The following GALNT17 variants were observed in gnomAD, a reference collection of about 807,000 sequenced individuals.
The protein encoded by GALNT17 is polypeptide N-acetylgalactosaminyltransferase 17, also known as UDP-GalNAc:polypeptide N-acetylgalactosaminyltransferase-like 3.
In GALNT17, 29 loss-of-function variants were observed where a neutral mutation model predicts 63.7. The ratio of observed to expected loss-of-function variants is 0.46; its 90% confidence interval spans 0.34 to 0.62. The LOEUF is 0.62. Among genes scored for constraint, GALNT17 ranks in the 20% least tolerant of loss-of-function variants. The pLI, the probability that GALNT17 is intolerant of heterozygous loss-of-function variation, is 0.01. For synonymous variants in GALNT17, 305 were observed against 318.3 expected, an observed-to-expected ratio of 0.96 and a Z score of 0.45; for missense variants, 603 against 799.6, an observed-to-expected ratio of 0.75 and a Z score of 2.97.
At chr7:71,343,895 G>A (rs1301690915) in intron 2 of GALNT17, among the ~76,000 whole-genome samples, 2 of 151,310 alleles carry the variant, frequency 1.3e-5, no homozygotes, top group Admixed American at 6.6e-5. Context: ...TTTCTCTGTG[G>A]TGTTCTTTTG....
At chr7:71,541,568 A>C (rs1472867242) in intron 5 of GALNT17, among the ~76,000 whole-genome samples, 2 of 152,036 alleles carry the variant, frequency 1.3e-5, no homozygotes, top group Non-Finnish European at 2.9e-5. Context: ...AATAAACAAG[A>C]AGAGAAAAAA....
chr7:71,299,032 T>A (rs924155546), intron 1 of GALNT17, among the ~76,000 whole-genome samples: 1 of 152,002 alleles, frequency 6.6e-6, no homozygotes, highest in African/African-American at 2.4e-5. Context: ...GTTCCAAATG[T>A]GAGAGGTCGG....
intron 5 of GALNT17, among the ~76,000 whole-genome samples, chr7:71,485,503 A>C (rs1319470140): frequency 6.6e-6 from 1 of 152,164 alleles, no homozygotes; most frequent in Non-Finnish European, 1.5e-5. Flanking sequence ...CCTGGCTCAG[A>C]GTTCATTCTT....
chr7:71,308,921 T>C (rs1402530131), intron 1 of GALNT17, among the ~76,000 whole-genome samples: 1 of 151,976 alleles, frequency 6.6e-6, no homozygotes, highest in Non-Finnish European at 1.5e-5. Flanking sequence ...TTTTTGTATG[T>C]TTAGTAGAGA....
chr7:71,584,504 A>G (rs1789686107), intron 6 of GALNT17, among the ~76,000 whole-genome samples: 1 of 152,192 alleles, frequency 6.6e-6, no homozygotes, highest in Non-Finnish European at 1.5e-5. Context: ...CCATCTATAA[A>G]TACTTTACAG....
chr7:71,169,705 G>A (rs1229181121), intron 1 of GALNT17, among the ~76,000 whole-genome samples: 1 of 152,026 alleles, frequency 6.6e-6, no homozygotes, highest in East Asian at 1.9e-4. Flanking sequence ...ACAGGTGCAT[G>A]CCATCACGCC....
intron 1 of GALNT17, among the ~76,000 whole-genome samples, chr7:71,254,220 A>G (rs1264800208): frequency 6.6e-6 from 1 of 152,192 alleles, no homozygotes; most frequent in African/African-American, 2.4e-5. Flanking sequence ...AGAAAGGAGC[A>G]TTTGGGTTAT....
intron 5 of GALNT17, among the ~76,000 whole-genome samples, chr7:71,430,252 G>A (rs1425008910): frequency 2.0e-5 from 3 of 152,186 alleles, no homozygotes; most frequent in Admixed American, 2.0e-4. Context: ...GGAAAAGAGT[G>A]AGGTGTAAGA....
chr7:71,226,808 C>T (rs1789687939), intron 1 of GALNT17, among the ~76,000 whole-genome samples: 1 of 152,032 alleles, frequency 6.6e-6, no homozygotes, highest in Admixed American at 6.5e-5. Flanking sequence ...GCAGTGGAGT[C>T]ACAGAGCCTT....
At chr7:71,451,144 T>C (rs1787255642) in intron 5 of GALNT17, among the ~76,000 whole-genome samples, 1 of 152,140 alleles carries the variant, frequency 6.6e-6, no homozygotes, top group Admixed American at 6.5e-5. Context: ...AGTGTTCTCA[T>C]TGTTCAATTC....
chr7:71,265,118 A>ATATATATATATATTTTT (rs1390488895), intron 1 of GALNT17, among the ~76,000 whole-genome samples: 1 of 37,454 alleles, frequency 2.7e-5, no homozygotes, highest in Non-Finnish European at 6.8e-5. Flanking sequence ...ATATATATAT[A>ATATATATATATATTTTT]TTTTTTTTTT....
At chr7:71,477,161 C>G (rs1036730062) in intron 5 of GALNT17, among the ~76,000 whole-genome samples, 1 of 152,156 alleles carries the variant, frequency 6.6e-6, no homozygotes, top group African/African-American at 2.4e-5. Flanking sequence ...TCATCAATCA[C>G]CATCATCATT....
chr7:71,470,789 T>A (rs983438803), intron 5 of GALNT17, among the ~76,000 whole-genome samples: 1 of 152,190 alleles, frequency 6.6e-6, no homozygotes, highest in African/African-American at 2.4e-5. Flanking sequence ...TTTTGAATGC[T>A]ATTGGATTTT....
rs551544205 is a variant in GALNT17 at position 71,286,458 on chromosome 7, T to G, written c.239-49092T>G. ...TTGCAAGAGTTCACAATGCTTTATT[T>G]TCTTTCCTCTCCACTCCAGCCCTGT... On this transcript the variant is annotated intron_variant, in intron 1 of 10. Coordinates refer to ENST00000333538, the MANE Select transcript of GALNT17 (RefSeq NM_022479.3). Among the ~76,000 whole-genome samples, 7 of 152,334 alleles carry G rather than the reference T, an allele frequency of 4.6e-5. No homozygotes were observed. The South Asian group carries it at 1.5e-3, about 32-fold the overall frequency.
intron 6 of GALNT17, among the ~76,000 whole-genome samples, chr7:71,593,745 A>G (rs544963863): frequency 6.6e-6 from 1 of 152,360 alleles, no homozygotes; most frequent in African/African-American, 2.4e-5. Context: ...TAAAAGGAGA[A>G]TGAGGAGAAT....
chr7:71,633,796 G>A (rs527561335), intron 6 of GALNT17, among the ~76,000 whole-genome samples: 37 of 152,334 alleles, frequency 2.4e-4, no homozygotes, highest in African/African-American at 8.2e-4. Flanking sequence ...AATCCAAGGC[G>A]TAATTGGCAT....
intron 5 of GALNT17, among the ~76,000 whole-genome samples, chr7:71,477,432 G>C (rs930642414): frequency 1.3e-5 from 2 of 152,186 alleles, no homozygotes; most frequent in African/African-American, 4.8e-5. Context: ...ATCGTTTCGA[G>C]GTTACCCTAC....
At chr7:71,300,481 T>G (rs1468854997) in intron 1 of GALNT17, 1 of 450,578 alleles carries the variant, frequency 2.2e-6, no homozygotes, top group Non-Finnish European at 4.4e-6. Context: ...GTTCATGAGC[T>G]TGGACAGGAT....
intron 5 of GALNT17, among the ~76,000 whole-genome samples, chr7:71,545,719 C>G (rs906223160): frequency 1.2e-4 from 19 of 152,110 alleles, no homozygotes; most frequent in Admixed American, 6.6e-5. Context: ...ATGTCAAGTT[C>G]TTGAGAGTTC....
Sources: gnomAD v4.1 joint callset for allele counts (sites outside exome capture counted in the v4.1 genomes callset) on GRCh38, gnomAD v4.1.1 for gene constraint, MANE v1.5 for transcripts, NCBI Gene and HGNC (gene_info 2026-07-23, HGNC 2026-07-21) for gene names.